The following UGGT1 variants were observed in gnomAD, a reference collection of about 807,000 sequenced individuals.
UGGT1 encodes the protein UDP-glucose glycoprotein glucosyltransferase 1, also known as UDP-glucose:glycoprotein glucosyltransferase 1.
Under a neutral mutation model 203.9 loss-of-function variants are expected in UGGT1, and 107 were observed. The observed-to-expected ratio is 0.52, with a 90% CI of 0.45 to 0.62. The LOEUF (loss-of-function observed/expected upper bound fraction) is 0.62. UGGT1 is among the 20% of genes least tolerant of loss of function. The pLI, the probability that UGGT1 is intolerant of heterozygous loss-of-function variation, is 0.00. For missense variants in UGGT1, 1,673 were observed against 1,867.2 expected (o/e 0.90, Z 1.92); for synonymous variants, 628 against 653.5 (o/e 0.96, Z 0.59).
At chr2:128,179,671 C>A in intron 34 of UGGT1, 115 bp from the exon 35 acceptor site, 1 of 795,688 alleles carries the variant, frequency 1.3e-6, no homozygotes, top group Non-Finnish European at 2.0e-6. Flanking sequence ...CCTAATTGAG[C>A]CATTAGTTAG....
At chr2:128,159,122 C>T (rs1690390003) in intron 22 of UGGT1, among the ~76,000 whole-genome samples, 1 of 126,226 alleles carries the variant, frequency 7.9e-6, no homozygotes, top group African/African-American at 3.0e-5. Context: ...TTTAATGAGA[C>T]GGAGTCTTAC....
intron 33 of UGGT1, among the ~76,000 whole-genome samples, 162 bp downstream of exon 33, chr2:128,178,082 T>C (rs77484916): frequency 0.013 from 1,929 of 152,306 alleles, 32 homozygotes; most frequent in East Asian, 0.036. Flanking sequence ...TATTTTCCAC[T>C]CGATTGATCC....
At chr2:128,112,990 A>G in intron 5 of UGGT1, 94 bp from the exon 6 acceptor site, 1 of 1,184,488 alleles carries the variant, frequency 8.4e-7, no homozygotes, top group Non-Finnish European at 1.1e-6. Context: ...TATAATCTTT[A>G]TTTGAATTTT....
chr2:128,094,004 G>A (rs1230068509), intron 1 of UGGT1, among the ~76,000 whole-genome samples: 1 of 152,142 alleles, frequency 6.6e-6, no homozygotes, highest in African/African-American at 2.4e-5. Context: ...CAGAGTCATT[G>A]CTTGTTAAAT....
At chr2:128,174,018 A>G in intron 30 of UGGT1, 79 bp downstream of exon 30, 2 of 1,504,654 alleles carry the variant, frequency 1.3e-6, no homozygotes, top group Non-Finnish European at 1.8e-6. Flanking sequence ...AGCAATTAGC[A>G]TTCTTAACCA....
At chr2:128,113,410 G>T in intron 6 of UGGT1, 152 bp downstream of exon 6, 2 of 639,412 alleles carry the variant, frequency 3.1e-6, no homozygotes, top group South Asian at 3.7e-5. Flanking sequence ...TCTATTATTT[G>T]CACATATGAT....
intron 23 of UGGT1, 91 bp downstream of exon 23, chr2:128,159,811 A>G (rs1690439864): frequency 1.5e-6 from 2 of 1,324,094 alleles, no homozygotes; most frequent in Admixed American, 4.6e-5. Flanking sequence ...CATGATCACG[A>G]TTTGTCATTT....
intron 26 of UGGT1, 51 bp from the exon 27 acceptor site, chr2:128,170,236 CT>C (rs753676537): frequency 1.3e-6 from 2 of 1,540,560 alleles, no homozygotes; most frequent in Middle Eastern, 1.7e-4. Flanking sequence ...ACAAAAAAAA[CT>C]TTTGTTTCCT....
At chr2:128,182,025 G>T in intron 36 of UGGT1, 105 bp from the exon 37 acceptor site, 1 of 1,141,652 alleles carries the variant, frequency 8.8e-7, no homozygotes, top group Non-Finnish European at 1.3e-6. Flanking sequence ...ACTAACCACG[G>T]AGCAGCCTTC....
chr2:128,122,745 A>T (rs908341187), intron 10 of UGGT1, among the ~76,000 whole-genome samples: 5 of 152,164 alleles, frequency 3.3e-5, no homozygotes, highest in Admixed American at 6.5e-5. Flanking sequence ...AAGTTTGTTT[A>T]TTTGGGACTT....
intron 16 of UGGT1, among the ~76,000 whole-genome samples, chr2:128,141,052 A>G (rs1304413685): frequency 6.6e-6 from 1 of 150,856 alleles, no homozygotes; most frequent in African/African-American, 2.4e-5. Flanking sequence ...GGCCAGGCGC[A>G]GTGGCTCACA....
intron 35 of UGGT1, among the ~76,000 whole-genome samples, chr2:128,180,460 T>C (rs559652652): frequency 1.3e-5 from 2 of 152,236 alleles, no homozygotes; most frequent in Admixed American, 1.3e-4. Flanking sequence ...TCTGAAAGAC[T>C]TATTCAAAAA....
chr2:128,129,006 T>C (rs374973287), intron 12 of UGGT1, 23 bp from the exon 13 acceptor site: 3 of 1,525,632 alleles, frequency 2.0e-6, no homozygotes, highest in Non-Finnish European at 2.6e-6. Context: ...CTAGTAAATA[T>C]CTCTTTTTGT....
At chr2:128,104,146 G>C (rs1424310488) in intron 3 of UGGT1, 132 bp downstream of exon 3, 4 of 631,838 alleles carry the variant, frequency 6.3e-6, no homozygotes, top group Non-Finnish European at 7.8e-6. Flanking sequence ...GAGTTATGAT[G>C]GTGGTCAGGA....
intron 23 of UGGT1, 152 bp downstream of exon 23, chr2:128,159,872 A>G (rs1573593913): frequency 1.2e-6 from 1 of 803,682 alleles, no homozygotes; most frequent in East Asian, 2.7e-5. Flanking sequence ...GTTTCCCTTT[A>G]TTACTTTTAA....
intron 17 of UGGT1, among the ~76,000 whole-genome samples, chr2:128,145,364 A>G (rs550163054): frequency 6.6e-6 from 1 of 152,330 alleles, no homozygotes; most frequent in East Asian, 1.9e-4. Context: ...TAGTTACATG[A>G]GGTTAGTGAC....
At chr2:128,157,482 ATC>A in intron 22 of UGGT1, 136 bp downstream of exon 22, 1 of 623,926 alleles carries the variant, frequency 1.6e-6, no homozygotes, top group East Asian at 2.7e-5. Context: ...GGAGAATTGT[ATC>A]TCTAGAGATC....
At chr2:128,122,896 A>G (rs905039998) in intron 10 of UGGT1, among the ~76,000 whole-genome samples, 24 of 152,230 alleles carry the variant, frequency 1.6e-4, no homozygotes, top group African/African-American at 3.1e-4. Flanking sequence ...TTAGCCTGAG[A>G]GTAGTAGAGA....
intron 18 of UGGT1, among the ~76,000 whole-genome samples, chr2:128,149,645 C>T (rs377599588): frequency 1.3e-5 from 2 of 151,418 alleles, no homozygotes; most frequent in Non-Finnish European, 1.5e-5. Context: ...TGGTGGCGGG[C>T]GCCTGTAGTC....
Sources: allele counts gnomAD v4.1 joint callset (sites outside exome capture counted in the v4.1 genomes callset), GRCh38; gene constraint gnomAD v4.1.1; transcripts MANE v1.5; gene names NCBI Gene and HGNC (gene_info 2026-07-23, HGNC 2026-07-21).